The following OR6N1 variants were observed in gnomAD, a reference collection of about 807,000 sequenced individuals.
OR6N1 encodes olfactory receptor 6N1.
For synonymous variants in OR6N1, 170 were observed against 150.7 expected (o/e 1.13, Z -0.94); for missense variants, 394 against 371.7 (o/e 1.06, Z -0.49).
At chr1:158,817,461 T>A in the OR6N1 span, among the ~76,000 whole-genome samples, 216 of 152,306 alleles carry the variant, frequency 1.4e-3, 2 homozygotes, top group Admixed American at 2.7e-3. Flanking sequence ...AATTCCCCAT[T>A]TATGCTATTT....
rs1462692680 is a variant in OR6N1, at chr1:158,766,258, G to A, written c.425C>T (p.Ala142Val). 1 of 1,614,104 alleles carries A rather than the reference G, an allele frequency of 6.2e-7. No individual in the cohort carries two copies. The highest frequency in any genetic ancestry group is 1.7e-5 in the Admixed American group (1 of 59,990). The stretch of plus-strand genomic sequence containing the variant: ...CAACCAACAGCCAATGGCAATCTCT[G>A]CACAAAGTGTTGGGGTCATGAGGGT... Reference protein sequence around the residue: ...YPTLMTPTLCAEIAIGCWLGG... With the variant: ...YPTLMTPTLCVEIAIGCWLGG... Residue 142 changes from alanine (A) to valine (V), a missense_variant, in exon 2 of 2, where the codon GCA (alanine) becomes GTA (valine). Physicochemically the swap from Ala to Val is moderately conservative, Grantham distance 64 (BLOSUM62 0). Transcript: ENST00000641846.
upstream of OR6N1, chr1:158,775,785 T>C (rs980878320): frequency 3.9e-5 from 6 of 152,102 alleles, no homozygotes; most frequent in Admixed American, 2.6e-4. Context: ...GGAATTATGG[T>C]TGTAAGAAAA....
the OR6N1 span, among the ~76,000 whole-genome samples, chr1:158,820,259 A>C: frequency 1.3e-5 from 2 of 152,232 alleles, no homozygotes; most frequent in African/African-American, 4.8e-5. Flanking sequence ...CGTGGGCGTC[A>C]AGGCCATCAT....
the OR6N1 span, among the ~76,000 whole-genome samples, chr1:158,830,311 G>T: frequency 1.1e-4 from 17 of 152,184 alleles, no homozygotes; most frequent in Admixed American, 7.2e-4. Context: ...GATCCTCTTG[G>T]TTTTTTCTGA....
chr1:158,800,273 A>G, the OR6N1 span, among the ~76,000 whole-genome samples: 1 of 152,170 alleles, frequency 6.6e-6, no homozygotes, highest in South Asian at 2.1e-4. Context: ...GGCTTACCCC[A>G]ACAGTTGAAC....
the OR6N1 span, among the ~76,000 whole-genome samples, chr1:158,787,212 A>G: frequency 1.3e-5 from 2 of 152,010 alleles, no homozygotes; most frequent in Non-Finnish European, 2.9e-5. Flanking sequence ...ACCACGTGAC[A>G]TGTTGGCTCC....
the OR6N1 span, among the ~76,000 whole-genome samples, chr1:158,833,604 T>G: frequency 1.3e-5 from 2 of 152,234 alleles, no homozygotes; most frequent in Non-Finnish European, 2.9e-5. Flanking sequence ...GTGACTGGCT[T>G]TTTTCATTTC....
chr1:158,768,980 G>T (rs1657345953), intron 1 of OR6N1, among the ~76,000 whole-genome samples: 1 of 151,382 alleles, frequency 6.6e-6, no homozygotes, highest in Non-Finnish European at 1.5e-5. Context: ...TTTCTATTTT[G>T]TTTACTGGTG....
At chr1:158,830,286 G>A in the OR6N1 span, among the ~76,000 whole-genome samples, 2 of 152,290 alleles carry the variant, frequency 1.3e-5, no homozygotes, top group South Asian at 2.1e-4. Context: ...ACATGTGTTA[G>A]TGGCTGTCAT....
the OR6N1 span, among the ~76,000 whole-genome samples, chr1:158,779,399 A>G: frequency 6.6e-6 from 1 of 152,172 alleles, no homozygotes; most frequent in Non-Finnish European, 1.5e-5. Context: ...TGTCACATTA[A>G]AAGTATTCAA....
chr1:158,822,010 A>T, the OR6N1 span, among the ~76,000 whole-genome samples: 1 of 152,122 alleles, frequency 6.6e-6, no homozygotes. Flanking sequence ...CTTCATTTGC[A>T]ATTCCCTGTG....
At chr1:158,794,734 T>G in the OR6N1 span, among the ~76,000 whole-genome samples, 1 of 152,192 alleles carries the variant, frequency 6.6e-6, no homozygotes, top group East Asian at 1.9e-4. Context: ...GATGATGCAG[T>G]CAATGGCAAT....
chr1:158,791,469 ATTT>A, the OR6N1 span, among the ~76,000 whole-genome samples: 2 of 127,366 alleles, frequency 1.6e-5, no homozygotes. Flanking sequence ...TATGATTTTG[ATTT>A]TTTTTTTTTT....
At chr1:158,812,077 A>G in the OR6N1 span, among the ~76,000 whole-genome samples, 1 of 152,184 alleles carries the variant, frequency 6.6e-6, no homozygotes, top group Admixed American at 6.5e-5. Flanking sequence ...TTTATCTTTC[A>G]TAGTCTCAAA....
At chr1:158,783,585 T>C in the OR6N1 span, among the ~76,000 whole-genome samples, 2 of 152,198 alleles carry the variant, frequency 1.3e-5, no homozygotes, top group Middle Eastern at 3.2e-3. Flanking sequence ...TGTCTAAACA[T>C]TCTATGTTCC....
rs1571598103 is a variant in OR6N1 at position 158,764,439 on chromosome 1, A to C, written c.*1305T>G. ...AACACCCTAAAGGTAGGACCTGGAC[A>C]TATATATGTCTTGTTCATTGCTTTT... On this transcript the variant is annotated 3_prime_UTR_variant, in exon 2 of 2. Transcript: ENST00000641846. 1 of 151,920 alleles carries C rather than the reference A, an allele frequency of 6.6e-6. No individual in the cohort carries two copies. Among genetic ancestry groups the C allele is most frequent in the South Asian group, 2.1e-4 (1 of 4,828 alleles). 9.4% of individuals were successfully genotyped at this position (151,920 alleles called of 1,614,324 possible).
the OR6N1 span, among the ~76,000 whole-genome samples, chr1:158,813,286 A>G: frequency 6.6e-6 from 1 of 152,216 alleles, no homozygotes; most frequent in Non-Finnish European, 1.5e-5. Context: ...GTGTATACAC[A>G]CATACATGAA....
chr1:158,783,821 T>C, the OR6N1 span, among the ~76,000 whole-genome samples: 596 of 152,290 alleles, frequency 3.9e-3, 7 homozygotes, highest in African/African-American at 0.014. Flanking sequence ...AAGAAAAGGC[T>C]AGGGACTGGG....
upstream of OR6N1, chr1:158,774,199 G>A (rs1256348221): frequency 6.6e-6 from 1 of 152,166 alleles, no homozygotes; most frequent in African/African-American, 2.4e-5. Flanking sequence ...TACAGAAAAT[G>A]ACTGTATATA....
Sources: allele counts gnomAD v4.1 joint callset (sites outside exome capture counted in the v4.1 genomes callset), GRCh38; gene constraint gnomAD v4.1.1; transcripts MANE v1.5; gene names NCBI Gene and HGNC (gene_info 2026-07-23, HGNC 2026-07-21).